The following NEIL1 variants were observed in gnomAD, a reference collection of about 807,000 sequenced individuals.
NEIL1 encodes the protein nei like DNA glycosylase 1.
In NEIL1, 31 loss-of-function variants were observed where a neutral mutation model predicts 44.2. The ratio of observed to expected loss-of-function variants is 0.70; its 90% CI spans 0.53 to 0.95. The LOEUF is 0.95. Ranked by LOEUF, NEIL1 falls within the 40% of genes least tolerant of loss-of-function variation. The pLI is 0.00. For synonymous variants in NEIL1, 254 were observed against 209.7 expected, an observed-to-expected ratio of 1.21 and a Z score of -1.83; for missense variants, 549 against 515.5, an observed-to-expected ratio of 1.07 and a Z score of -0.63.
rs922273145 is a variant in NEIL1 at position 75,354,340 on chromosome 15, C to T, written c.874+63C>T. On this transcript the variant is annotated intron_variant, in intron 7 of 9. Coordinates refer to ENST00000355059, the MANE Select transcript of NEIL1 (RefSeq NM_024608.4). The stretch of plus-strand genomic sequence containing the variant: ...AAGGACTTCACGCCTGCAAGGGCTA[C>T]AGCACCCTTCTCCACCCTATCCCCC... 3 of 1,610,464 alleles carry T rather than the reference C, an allele frequency of 1.9e-6. No homozygotes were observed. In the African/African-American group the frequency reaches 4.0e-5, roughly 22 times the overall value.
rs758613712 is a variant in NEIL1, at chr15:75,352,110, G to C, written c.435-1G>C. 75 of 1,614,052 alleles carry C rather than the reference G, an allele frequency of 4.6e-5. No homozygotes were observed. The highest frequency in any genetic ancestry group is 5.6e-5 in the Non-Finnish European group (66 of 1,179,998). On this transcript the variant is annotated splice_acceptor_variant, in intron 2 of 9. Coordinates refer to ENST00000355059, the MANE Select transcript of NEIL1 (RefSeq NM_024608.4). LOFTEE classifies it high-confidence loss of function. The stretch of plus-strand genomic sequence containing the variant: ...TACGCACCCAGACCGTGTTCCTCCA[G>C]GGAGAATGTGCTACGAAACCTAGCG...
Position 75,355,231 on chromosome 15 carries a change from A to G in NEIL1, c.*197A>G. On this transcript the variant is annotated 3_prime_UTR_variant, in exon 10 of 10. Transcript: ENST00000355059. ...ATGTGAAAAATGCTGCATTTTTAAT[A>G]AACTGATACATTTGAACTTCTTGGC... 1 of 582,854 alleles carries G rather than the reference A, an allele frequency of 1.7e-6. No individual in the cohort carries two copies. Among genetic ancestry groups the G allele is most frequent in the African/African-American group, 1.9e-5 (1 of 53,350 alleles). 36.1% of individuals were successfully genotyped at this position (582,854 alleles called of 1,614,324 possible).
Position 75,348,988 on chromosome 15 carries a change from A to G in NEIL1, c.83A>G (p.Glu28Gly). ...CRALVFGGCV[E>G]KSSVSRNPEV... Reference sequence around the variant, plus strand: ...GCGCTGGTGTTCGGCGGCTGCGTGGAGAAGTCCTCTGTCAGCCGCAACCCT... The same window carrying G: ...GCGCTGGTGTTCGGCGGCTGCGTGGGGAAGTCCTCTGTCAGCCGCAACCCT... Residue 28 changes from glutamate (E) to glycine (G), a missense_variant, in exon 2 of 10, where the codon GAG becomes GGG. Coordinates refer to ENST00000355059, the MANE Select transcript of NEIL1 (RefSeq NM_024608.4). 1.2e-6 allele frequency: 2 copies of G among 1,613,664 alleles called. No homozygotes were observed. Among genetic ancestry groups the G allele is most frequent in the Admixed American group, 1.7e-5 (1 of 60,030 alleles).
At position 75,349,171 on chromosome 15, in the gene NEIL1, C is replaced by T. The variant is rs759845283; in HGVS notation, c.266C>T (p.Pro89Leu). ...FGMSGSFQLV[P>L]REELPRHAHL... ...ATGTCCGGCTCTTTTCAGCTGGTGC[C>T]CCGCGAGGAGCTGCCACGCCATGCC... Residue 89 changes from proline (P) to leucine (L), a missense_variant, in exon 2 of 10, where the codon CCC (proline) becomes CTC (leucine). Transcript: ENST00000355059. 6.2e-7 allele frequency: 1 copy of T among 1,609,276 alleles called. No individual in the cohort carries two copies. Among genetic ancestry groups the T allele is most frequent in the South Asian group, 1.1e-5 (1 of 91,050 alleles).
chr15:75,354,966 C>T lies in NEIL1; in HGVS notation c.1105C>T (p.His369Tyr). 1 of 1,614,092 alleles carries T rather than the reference C, an allele frequency of 6.2e-7. No homozygotes were observed. Among genetic ancestry groups the T allele is most frequent in the Non-Finnish European group, 8.5e-7 (1 of 1,179,974 alleles). ...CATCTTGCCTGTTCTTCCCCCAGGC[C>T]ACTGCAGACCCCGGAAGGTCAAGGC... ...RRKGRQAASG[H>Y]CRPRKVKADI... is the part of the protein sequence containing the mutation. The change falls in exon 10 of 10, where the codon CAC becomes TAC. Residue 369 changes from histidine (H) to tyrosine (Y), a missense_variant and splice_region_variant. Coordinates refer to ENST00000355059, the MANE Select transcript of NEIL1 (RefSeq NM_024608.4).
At chr15:75,353,590 G>A (rs1331242339) in intron 5 of NEIL1, 149 bp from the exon 6 acceptor site, 3 of 863,880 alleles carry the variant, frequency 3.5e-6, no homozygotes, top group Non-Finnish European at 6.0e-6. Context: ...GAAACCAGCT[G>A]AGGTCACATC....
rs761030112 is a variant in NEIL1 at position 75,356,212 on chromosome 15, C to T, written c.*1178C>T. 7 of 1,613,096 alleles carry T rather than the reference C, an allele frequency of 4.3e-6. No homozygotes were observed. The highest frequency in any genetic ancestry group is 5.9e-6 in the Non-Finnish European group (7 of 1,179,852). On this transcript the variant is annotated 3_prime_UTR_variant, in exon 10 of 10. Transcript: ENST00000355059. This position sits in a 1 kb window ranked among gnomAD's most constrained non-coding sequence, Gnocchi z 5.8. ...GACCAGCGAGCGGCGCTGGGGGCTG[C>T]TCTCCGCCTGCAGAGGAACACGTCT...
At chr15:75,354,401 CCCT>C (rs761787699) in intron 7 of NEIL1, 27 bp from the exon 8 acceptor site, 1 of 1,613,938 alleles carries the variant, frequency 6.2e-7, no homozygotes, top group South Asian at 1.1e-5. Context: ...CAGGATAGGA[CCCT>C]CCAACTCCAA....
intron 5 of NEIL1, 84 bp from the exon 6 acceptor site, chr15:75,353,655 G>T (rs1382311874): frequency 2.8e-6 from 4 of 1,439,528 alleles, no homozygotes; most frequent in Non-Finnish European, 3.9e-6. Flanking sequence ...GTGTAGCTGA[G>T]GTCTGGGCCA....
intron 1 of NEIL1, chr15:75,347,698 G>A (rs1477863590): frequency 3.4e-6 from 2 of 594,104 alleles, no homozygotes; most frequent in South Asian, 4.2e-5. Context: ...GGTTGTGGGG[G>A]GTGCGCTGTA....
chr15:75,356,250 C>G lies in NEIL1; in HGVS notation c.*1216C>G. 1 of 1,612,174 alleles carries G rather than the reference C, an allele frequency of 6.2e-7. No homozygotes were observed. On this transcript the variant is annotated 3_prime_UTR_variant, in exon 10 of 10. Coordinates refer to ENST00000355059, the MANE Select transcript of NEIL1 (RefSeq NM_024608.4). This position sits in a 1 kb window ranked among gnomAD's most constrained non-coding sequence, Gnocchi z 5.8. ...GAGGAACACGTCTGGTGGGAGGGGC[C>G]GAGGGCAGGCCCAGTTCGGAACCCC...
intron 6 of NEIL1, 121 bp from the exon 7 acceptor site, chr15:75,354,129 A>G: frequency 8.3e-7 from 1 of 1,203,494 alleles, no homozygotes. Context: ...GATGTCCTAG[A>G]GGCTTCCTAA....
rs140982397 is a variant in NEIL1 at position 75,353,753 on chromosome 15, G to C, written c.733G>C (p.Gly245Arg). 2 of 1,614,086 alleles carry C rather than the reference G, an allele frequency of 1.2e-6. No homozygotes were observed. Among genetic ancestry groups the C allele is most frequent in the South Asian group, 1.1e-5 (1 of 91,084 alleles). ...CTGTCCCACAGGGGGCAAAGGCTAC[G>C]GGTCAGAGAGCGGGGAGGAGGACTT... ...EVVQLGGKGYGSESGEEDFAA... is the reference protein window; with the variant it reads ...EVVQLGGKGYRSESGEEDFAA... Residue 245 changes from glycine to arginine, a missense_variant, in exon 6 of 10, where the codon GGG becomes CGG. Coordinates refer to ENST00000355059, the MANE Select transcript of NEIL1 (RefSeq NM_024608.4).
chr15:75,351,869 G>A (rs1242044021), intron 2 of NEIL1: 101 of 425,512 alleles, frequency 2.4e-4, no homozygotes, highest in Middle Eastern at 1.3e-3. Flanking sequence ...TGATCTGCCC[G>A]CCTCGGCCTC....
chr15:75,348,564 CGGGAAGAAGTAA>C (rs2071624493), intron 1 of NEIL1: 1 of 1,204,184 alleles, frequency 8.3e-7, no homozygotes, highest in African/African-American at 1.5e-5. Flanking sequence ...TGAGGGGAGC[CGGGAAGAAGTAA>C]GGCTGCAGCC....
At chr15:75,348,841 A>T (rs527721958) in intron 1 of NEIL1, 43 bp from the exon 2 acceptor site, 202 of 1,572,984 alleles carry the variant, frequency 1.3e-4, no homozygotes, top group Non-Finnish European at 1.6e-4. Context: ...GCTACCTCAC[A>T]AAGTCCACAC....
chr15:75,356,266 T>G lies in NEIL1; in HGVS notation c.*1232T>G. 1 of 1,612,024 alleles carries G rather than the reference T, an allele frequency of 6.2e-7. No individual in the cohort carries two copies. The highest frequency in any genetic ancestry group is 8.5e-7 in the Non-Finnish European group (1 of 1,179,312). Reference sequence around the variant, plus strand: ...GGGAGGGGCCGAGGGCAGGCCCAGTTCGGAACCCCGTCCCCAGCACGTCCC... The same window carrying G: ...GGGAGGGGCCGAGGGCAGGCCCAGTGCGGAACCCCGTCCCCAGCACGTCCC... On this transcript the variant is annotated 3_prime_UTR_variant, in exon 10 of 10. Coordinates refer to ENST00000355059, the MANE Select transcript of NEIL1 (RefSeq NM_024608.4). This position sits in a 1 kb window ranked among gnomAD's most constrained non-coding sequence, Gnocchi z 5.8.
chr15:75,352,756 G>A (rs2072019054), intron 5 of NEIL1, 55 bp downstream of exon 5: 2 of 1,425,976 alleles, frequency 1.4e-6, no homozygotes, highest in Middle Eastern at 1.7e-4. Context: ...TGTAACCCTG[G>A]GGCACTTGTC....
At chr15:75,348,273 GC>G (rs1239130657) in intron 1 of NEIL1, 1 of 960,676 alleles carries the variant, frequency 1.0e-6, no homozygotes, top group Non-Finnish European at 1.2e-6. Context: ...CGGCCAAGCG[GC>G]CGATTCGGCC....
Sources: allele counts gnomAD v4.1 joint callset, GRCh38; gene constraint gnomAD v4.1.1; non-coding constraint Gnocchi (gnomAD v3.1); transcripts MANE v1.5; gene names NCBI Gene and HGNC (gene_info 2026-07-23, HGNC 2026-07-21).